Variants in MGAM observed in about 807,000 individuals in gnomAD.
The protein encoded by MGAM is maltase-glucoamylase.
In MGAM, 253 loss-of-function variants were observed where a neutral mutation model predicts 358.8. The ratio of observed to expected loss-of-function variants is 0.71; its 90% confidence interval spans 0.64 to 0.78. The LOEUF (loss-of-function observed/expected upper bound fraction) is 0.78, where lower values mean the gene tolerates loss of function less well. MGAM is among the 30% of genes least tolerant of loss of function. The pLI is 0.00. For missense variants in MGAM, 3,080 were observed against 3,432.6 expected (o/e 0.90, Z 2.57); for synonymous variants, 1,105 against 1,227.1 (o/e 0.90, Z 2.08).
chr7:142,044,701 T>C (rs1293876673), intron 21 of MGAM, among the ~76,000 whole-genome samples: 1 of 91,920 alleles, frequency 1.1e-5, no homozygotes, highest in Non-Finnish European at 2.2e-5. Context: ...ATGAATATTA[T>C]ATACACGTGT....
chr7:142,073,687 A>G (rs113202940), intron 44 of MGAM, among the ~76,000 whole-genome samples: 3,065 of 146,258 alleles, frequency 0.021, 271 homozygotes, highest in South Asian at 0.09. Context: ...GCGAAAATGT[A>G]TCTTCCTCAC....
At chr7:142,030,870 T>C in intron 12 of MGAM, 113 bp downstream of exon 12, 1 of 690,638 alleles carries the variant, frequency 1.4e-6, no homozygotes, top group Non-Finnish European at 2.5e-6. Context: ...ACATTTTCAG[T>C]ATATTTATAT....
At position 142,103,386 on chromosome 7, in the gene MGAM, TC is replaced by T; in HGVS notation, c.8132del (p.Ser2711LeufsTer2). The T allele has an allele frequency of 6.2e-7, 1 of 1,612,932 alleles. No individual in the cohort carries two copies. The highest frequency in any genetic ancestry group is 8.5e-7 in the Non-Finnish European group (1 of 1,179,488). ...GSVPVTSVSISVSGMVITPSF... is the reference protein window; with the variant it reads ...GSVPVTSVSIXVSGMVITPSF... ...TGTCCCCGTTACCAGTGTCAGCATCTCTGTGAGTGGCATGGTCATAACACCC... is the reference window on the plus strand; with the variant it reads ...TGTCCCCGTTACCAGTGTCAGCATCTTGTGAGTGGCATGGTCATAACACCC... On this transcript the variant is annotated frameshift_variant, in exon 70 of 71. Coordinates refer to ENST00000475668, the MANE Select transcript of MGAM (RefSeq NM_001365693.1). LOFTEE classifies it high-confidence loss of function.
intron 21 of MGAM, among the ~76,000 whole-genome samples, chr7:142,044,089 T>C (rs1394231240): frequency 1.4e-5 from 2 of 143,128 alleles, no homozygotes; most frequent in African/African-American, 5.2e-5. Context: ...TATATACACA[T>C]ACGACGTATA....
Position 142,044,886 on chromosome 7 carries a change from A to C in MGAM, c.2499-2899A>C, listed in dbSNP as rs1185869537. Among the ~76,000 whole-genome samples, 7 of 68,960 alleles carry C rather than the reference A, an allele frequency of 1.0e-4. 1 individual carries two copies. Among genetic ancestry groups the C allele is most frequent in the Non-Finnish European group, 2.0e-4 (7 of 35,444 alleles). The allele number at this position is 68,960 out of a possible 152,430, so 45.2% of individuals were successfully genotyped here. ...ATGATATATAATGTATATTACATACACGTGTAATATATGATATATAATGTA... is the reference window on the plus strand; with the variant it reads ...ATGATATATAATGTATATTACATACCCGTGTAATATATGATATATAATGTA... On this transcript the variant is annotated intron_variant, in intron 21 of 70. Transcript: ENST00000475668.
At chr7:142,030,975 T>G (rs1448016604) in intron 12 of MGAM, among the ~76,000 whole-genome samples, 4 of 152,108 alleles carry the variant, frequency 2.6e-5, no homozygotes, top group Non-Finnish European at 4.4e-5. Context: ...TAAGTCCCTT[T>G]AAACAACAGC....
Position 142,075,990 on chromosome 7 carries a change from A to G in MGAM, c.5276-213A>G, listed in dbSNP as rs1205178804. ...TTTAAGAGATATACTCACTCCTCCC[A>G]TATTCATTACAGCATTACTTGCAAC... On this transcript the variant is annotated intron_variant, in intron 45 of 70. Coordinates refer to ENST00000475668, the MANE Select transcript of MGAM (RefSeq NM_001365693.1). Among the ~76,000 whole-genome samples the G allele has an allele frequency of 3.4e-5, 5 of 146,396 alleles. 1 individual carries two copies. The highest frequency in any genetic ancestry group is 1.2e-4 in the African/African-American group (5 of 41,136).
At chr7:142,008,254 G>A (rs782398352) in intron 2 of MGAM, among the ~76,000 whole-genome samples, 7 of 152,144 alleles carry the variant, frequency 4.6e-5, no homozygotes, top group Admixed American at 1.3e-4. Flanking sequence ...GTCTAAAGGC[G>A]GAGTCCTTGC....
chr7:142,047,680 G>T (rs1810517555), intron 21 of MGAM, 105 bp from the exon 22 acceptor site: 2 of 1,038,870 alleles, frequency 1.9e-6, no homozygotes, highest in African/African-American at 1.6e-5. Context: ...AGAACCATCT[G>T]CTGCTAGTAA....
chr7:142,042,548 TATATAC>T (rs1809034118), intron 21 of MGAM, among the ~76,000 whole-genome samples: 1 of 9,372 alleles, frequency 1.1e-4, no homozygotes, highest in East Asian at 8.8e-3. Flanking sequence ...ATATATATTA[TATATAC>T]ATATTATATA....
At chr7:142,060,787 G>C (rs796469248) in intron 34 of MGAM, among the ~76,000 whole-genome samples, 15 of 123,314 alleles carry the variant, frequency 1.2e-4, no homozygotes, top group Non-Finnish European at 1.8e-5. Flanking sequence ...TTCAACCCTC[G>C]AAGACTGACT....
At position 142,019,192 on chromosome 7, in the gene MGAM, G is replaced by T; in HGVS notation, c.328-7G>T. Reference sequence around the variant, plus strand: ...ATGGAGCTTCTTTGACTAACCTCTTGTTTCAGGCCACATGTGACCAACGTG... The same window carrying T: ...ATGGAGCTTCTTTGACTAACCTCTTTTTTCAGGCCACATGTGACCAACGTG... On this transcript the variant is annotated splice_region_variant and splice_polypyrimidine_tract_variant and intron_variant, in intron 3 of 70. Coordinates refer to ENST00000475668, the MANE Select transcript of MGAM (RefSeq NM_001365693.1). The T allele has an allele frequency of 1.2e-6, 2 of 1,611,808 alleles. No individual in the cohort carries two copies. Among genetic ancestry groups the T allele is most frequent in the Non-Finnish European group, 8.5e-7 (1 of 1,178,928 alleles).
chr7:142,100,441 G>A (rs180754826), intron 67 of MGAM, among the ~76,000 whole-genome samples: 65 of 152,178 alleles, frequency 4.3e-4, no homozygotes, highest in Non-Finnish European at 7.6e-4. Flanking sequence ...AAGAACTTAG[G>A]ACATTTGAAA....
Position 142,021,079 on chromosome 7 carries a change from T to C in MGAM, c.554T>C (p.Phe185Ser). Residue 185 changes from phenylalanine (F) to serine (S), a missense_variant, in exon 5 of 71, where the codon TTT (phenylalanine) becomes TCT (serine). This residue lies in a region of MGAM where 1,816 missense variants were observed against 1,840.5 expected (regional missense o/e 0.99). Transcript: ENST00000475668. Reference protein sequence around the residue: ...AEYQTSNRFHFKLTDQTNNRF... With the variant: ...AEYQTSNRFHSKLTDQTNNRF... ...TATCAGACATCTAATCGTTTCCACT[T>C]TAAGGTTGTAATTTGTTTATTTTTT... 3 of 1,594,902 alleles carry C rather than the reference T, an allele frequency of 1.9e-6. No individual in the cohort carries two copies. The highest frequency in any genetic ancestry group is 2.6e-6 in the Non-Finnish European group (3 of 1,171,390).
chr7:142,022,647 TATCTC>T (rs1309081213), intron 7 of MGAM, among the ~76,000 whole-genome samples: 1 of 152,186 alleles, frequency 6.6e-6, no homozygotes, highest in Non-Finnish European at 1.5e-5. Context: ...ATGGAAGTAA[TATCTC>T]AATAGGGTTG....
rs541718906 is a variant in MGAM, at chr7:142,023,747, C to G, written c.883-1303C>G. ...ACTCTGTGTAATTTTTAAGCCCAGG[C>G]TCTGTACTGTACATATGCCTATCAG... is the stretch of plus-strand genomic sequence containing the variant. On this transcript the variant is annotated intron_variant, in intron 7 of 70. Coordinates refer to ENST00000475668, the MANE Select transcript of MGAM (RefSeq NM_001365693.1). 2.6e-5 allele frequency among the ~76,000 whole-genome samples: 4 copies of G among 152,228 alleles called. No individual in the cohort carries two copies. In the South Asian group the frequency reaches 6.2e-4, roughly 24 times the overall value.
At chr7:142,027,082 G>A (rs1170843892) in intron 8 of MGAM, 33 bp from the exon 9 acceptor site, 1 of 1,499,004 alleles carries the variant, frequency 6.7e-7, no homozygotes, top group African/African-American at 1.4e-5. Flanking sequence ...AATCAATTCT[G>A]ATTTTTATTT....
intron 3 of MGAM, 42 bp from the exon 4 acceptor site, chr7:142,019,157 C>G: frequency 6.3e-7 from 1 of 1,599,096 alleles, no homozygotes; most frequent in Non-Finnish European, 8.5e-7. Flanking sequence ...TGATCATGTT[C>G]TACAACTAAA....
chr7:142,027,531 T>C, intron 9 of MGAM, 79 bp from the exon 10 acceptor site: 1 of 1,459,238 alleles, frequency 6.9e-7, no homozygotes, highest in Non-Finnish European at 9.5e-7. Flanking sequence ...CTATGTTTGG[T>C]GCTCTGAAAG....
Sources: gnomAD v4.1 joint callset for allele counts (sites outside exome capture counted in the v4.1 genomes callset) on GRCh38, gnomAD v4.1.1 for gene constraint, gnomAD v4.1.1 regional missense constraint, MANE v1.5 for transcripts, NCBI Gene and HGNC (gene_info 2026-07-23, HGNC 2026-07-21) for gene names.